The following PCDHA1 variants were observed in gnomAD, a reference collection of about 807,000 sequenced individuals.
The protein encoded by PCDHA1 is protocadherin alpha 1.
A neutral mutation model predicts 61.3 loss-of-function variants in PCDHA1; 42 were observed. The ratio of observed to expected loss-of-function variants is 0.69; its 90% CI spans 0.54 to 0.89. PCDHA1 has a LOEUF of 0.89. Among genes scored for constraint, PCDHA1 ranks in the 40% least tolerant of loss-of-function variants. PCDHA1 has a pLI of 0.00. For missense variants in PCDHA1, 1,256 were observed against 1,235.3 expected, an observed-to-expected ratio of 1.02 and a Z score of -0.25; for synonymous variants, 610 against 553.8, an observed-to-expected ratio of 1.10 and a Z score of -1.43.
chr5:140,940,468 C>A (rs2092618066), intron 1 of PCDHA1, among the ~76,000 whole-genome samples: 1 of 151,866 alleles, frequency 6.6e-6, no homozygotes, highest in African/African-American at 2.4e-5. Flanking sequence ...CTGTTCCCTG[C>A]AATTTTTTTT....
intron 1 of PCDHA1, chr5:140,795,063 C>T (rs782041054): frequency 1.5e-5 from 25 of 1,613,830 alleles, no homozygotes; most frequent in Non-Finnish European, 4.2e-6. Flanking sequence ...AGCTCCGCTA[C>T]TCCGTCCCCG....
chr5:140,857,788 G>GCTGC, intron 1 of PCDHA1: 1 of 1,597,732 alleles, frequency 6.3e-7, no homozygotes, highest in South Asian at 1.1e-5. Flanking sequence ...GTGAGCTGGT[G>GCTGC]CTGCGGTCGG....
chr5:140,872,007 G>A (rs974078446), intron 1 of PCDHA1, among the ~76,000 whole-genome samples: 7 of 152,176 alleles, frequency 4.6e-5, no homozygotes, highest in African/African-American at 1.4e-4. Flanking sequence ...ATTTACAGGT[G>A]ACCTGTAGCC....
At chr5:140,876,759 TG>T (rs2056563971) in intron 1 of PCDHA1, 10 of 1,614,028 alleles carry the variant, frequency 6.2e-6, no homozygotes, top group African/African-American at 2.7e-5. Context: ...CTGCGCGGGA[TG>T]GGGGCTCGCC....
At chr5:140,883,446 T>TCCC (rs2059615161) in intron 1 of PCDHA1, 1 of 1,614,012 alleles carries the variant, frequency 6.2e-7, no homozygotes, top group African/African-American at 1.3e-5. Context: ...ACGCCGCATG[T>TCCC]CCCCTTCAAG....
intron 1 of PCDHA1, chr5:140,803,122 C>A (rs1554122584): frequency 6.2e-7 from 1 of 1,613,804 alleles, no homozygotes; most frequent in Admixed American, 1.7e-5. Flanking sequence ...GAGGTGGACG[C>A]CCCGCGCCAT....
chr5:140,796,293 C>G (rs901353156), intron 1 of PCDHA1: 1 of 1,614,130 alleles, frequency 6.2e-7, no homozygotes. Flanking sequence ...GCGTGTCCAT[C>G]GAGGTGGCCG....
At chr5:140,836,551 G>A in intron 1 of PCDHA1, 1 of 1,613,756 alleles carries the variant, frequency 6.2e-7, no homozygotes, top group South Asian at 1.1e-5. Context: ...GCGTTGCGGT[G>A]CTCAGCGCCG....
intron 1 of PCDHA1, among the ~76,000 whole-genome samples, chr5:140,891,410 A>T: frequency 7.7e-6 from 1 of 130,320 alleles, no homozygotes; most frequent in East Asian, 2.5e-4. Context: ...GCCACCCCCC[A>T]CTCTTGCCCC....
rs567436398 is a variant in PCDHA1 at position 140,796,478 on chromosome 5, C to G, written c.2394+7794C>G. 20 of 1,612,232 alleles carry G rather than the reference C, an allele frequency of 1.2e-5. No individual in the cohort carries two copies. In the East Asian group the frequency reaches 4.0e-4, roughly 32 times the overall value. ...CGGCGGGTGGGCGAGCGCGCGTTGT[C>G]GAGCTACGTTTCGGTGCACGCGGAG... On this transcript the variant is annotated intron_variant, in intron 1 of 3. Coordinates refer to ENST00000504120, the MANE Select transcript of PCDHA1 (RefSeq NM_018900.4).
chr5:140,857,544 G>T (rs1408742148), intron 1 of PCDHA1: 1 of 1,596,898 alleles, frequency 6.3e-7, no homozygotes, highest in Non-Finnish European at 8.6e-7. Flanking sequence ...CGGCGGTTGG[G>T]CGAGCGCTCG....
At chr5:140,884,414 C>G in intron 1 of PCDHA1, 2 of 1,614,008 alleles carry the variant, frequency 1.2e-6, no homozygotes, top group Non-Finnish European at 1.7e-6. Context: ...GCTCACGTTG[C>G]TGCTGTATAC....
At chr5:140,852,799 C>A in intron 1 of PCDHA1, 3 of 976,698 alleles carry the variant, frequency 3.1e-6, no homozygotes, top group Non-Finnish European at 3.7e-6. Context: ...CTACAGATGT[C>A]ATTTGTCTCC....
intron 3 of PCDHA1, among the ~76,000 whole-genome samples, chr5:140,992,190 A>C (rs1452489619): frequency 1.3e-5 from 2 of 152,134 alleles, no homozygotes; most frequent in African/African-American, 2.4e-5. Flanking sequence ...GCTTTCAGTG[A>C]TCTATCCAAT....
intron 1 of PCDHA1, chr5:140,883,301 G>C (rs1380648584): frequency 1.2e-6 from 2 of 1,613,968 alleles, no homozygotes; most frequent in African/African-American, 1.3e-5. Flanking sequence ...AGATGTAAAT[G>C]ATAACGCCCC....
At chr5:140,837,576 C>G (rs568317651) in intron 1 of PCDHA1, among the ~76,000 whole-genome samples, 3 of 151,836 alleles carry the variant, frequency 2.0e-5, no homozygotes, top group Non-Finnish European at 4.4e-5. Context: ...TTACAATCAC[C>G]AAATTGTAAA....
rs1554148611 is a variant in PCDHA1, at chr5:140,856,378, C to A, written c.2394+67694C>A. 3 of 1,598,456 alleles carry A rather than the reference C, an allele frequency of 1.9e-6. 1 individual carries two copies. Among genetic ancestry groups the A allele is most frequent in the South Asian group, 2.2e-5 (2 of 90,536 alleles). ...GCATCCACCTGGAGGTGATCGTGGA[C>A]AGGCCGCTGCAGGTTTTCCATGTGG... On this transcript the variant is annotated intron_variant, in intron 1 of 3. Coordinates refer to ENST00000504120, the MANE Select transcript of PCDHA1 (RefSeq NM_018900.4).
chr5:140,850,218 G>T, intron 1 of PCDHA1: 1 of 1,593,686 alleles, frequency 6.3e-7, no homozygotes. Context: ...GGGCACTGAC[G>T]GCGCAGTGAG....
At chr5:140,871,418 G>A in intron 1 of PCDHA1, 4 of 1,613,874 alleles carry the variant, frequency 2.5e-6, no homozygotes, top group Admixed American at 1.7e-5. Context: ...ATGGCCTTCA[G>A]CCCCAGTCTT....
Sources: allele counts gnomAD v4.1 joint callset (sites outside exome capture counted in the v4.1 genomes callset), GRCh38; gene constraint gnomAD v4.1.1; transcripts MANE v1.5; gene names NCBI Gene and HGNC (gene_info 2026-07-23, HGNC 2026-07-21).